Variants in RAB40A observed in about 807,000 individuals in gnomAD.
RAB40A encodes the protein RAB40A, member RAS oncogene family.
For missense variants in RAB40A, 145 were observed against 230.2 expected (o/e 0.63, Z 2.40); for synonymous variants, 65 against 99.9 (o/e 0.65, Z 2.08).
intron 2 of RAB40A, among the ~76,000 whole-genome samples, chrX:103,516,679 A>C (rs5945785): frequency 0.02 from 2,218 of 111,613 alleles, 24 homozygotes; most frequent in Non-Finnish European, 0.034. Context: ...ATCAATAGCC[A>C]GCAATCCCAT....
At chrX:103,516,319 A>G (rs2073316365) in intron 2 of RAB40A, among the ~76,000 whole-genome samples, 1 of 111,664 alleles carries the variant, frequency 9.0e-6, no homozygotes, top group Non-Finnish European at 1.9e-5. Context: ...CTGTACTTCA[A>G]GTTTTAAATT....
intron 2 of RAB40A, among the ~76,000 whole-genome samples, chrX:103,507,830 T>A (rs1281858916): frequency 1.8e-5 from 2 of 110,767 alleles, no homozygotes; most frequent in Admixed American, 9.5e-5. Context: ...ACACCTGAGC[T>A]TCTGCCTCAG....
Position 103,499,501 on chromosome X carries a change from T to TAG in RAB40A, c.*421_*422insCT, listed in dbSNP as rs753757984. 5.5e-5 allele frequency: 12 copies of TAG among 219,625 alleles called. No individual in the cohort carries two copies. Among genetic ancestry groups the TAG allele is most frequent in the African/African-American group, 8.9e-5 (3 of 33,737 alleles). The allele number at this position is 219,625 out of a possible 1,213,427, so 18.1% of individuals were successfully genotyped here. On this transcript the variant is annotated 3_prime_UTR_variant, in exon 3 of 3. Coordinates refer to ENST00000304236, the MANE Select transcript of RAB40A (RefSeq NM_080879.3). ...AGGAGGTTTACAAAAAGGCCCCTCT[T>TAG]GTACTATCGATGACTGAATTATCTC...
chrX:103,493,645 T>C, the RAB40A span, among the ~76,000 whole-genome samples: 1 of 111,952 alleles, frequency 8.9e-6, no homozygotes, highest in Non-Finnish European at 1.9e-5. Context: ...TTCAATTGCG[T>C]TCATTTTTAT....
downstream of RAB40A, among the ~76,000 whole-genome samples, chrX:103,496,953 T>G (rs2073178885): frequency 9.0e-6 from 1 of 111,433 alleles, no homozygotes. Flanking sequence ...GGCTGTTGGT[T>G]TTGATGGGGT....
At chrX:103,494,639 C>A (rs929737637), downstream of RAB40A, among the ~76,000 whole-genome samples, 2 of 111,852 alleles carry the variant, frequency 1.8e-5, no homozygotes, top group Non-Finnish European at 3.8e-5. Flanking sequence ...CATTCTTCTG[C>A]GTATGGATTT....
chrX:103,497,978 T>A (rs1393213229), downstream of RAB40A, among the ~76,000 whole-genome samples: 1 of 111,984 alleles, frequency 8.9e-6, no homozygotes, highest in Non-Finnish European at 1.9e-5. Context: ...ATTTTTTAAG[T>A]TATCTGAACA....
At chrX:103,503,185 A>G in intron 2 of RAB40A, 1 of 753,871 alleles carries the variant, frequency 1.3e-6, no homozygotes, top group Non-Finnish European at 1.6e-6. Flanking sequence ...TGATAGATGT[A>G]AAACAAGACT....
At chrX:103,506,300 CTTCT>C (rs1449597447) in intron 2 of RAB40A, among the ~76,000 whole-genome samples, 2 of 111,106 alleles carry the variant, frequency 1.8e-5, no homozygotes, top group Non-Finnish European at 3.8e-5. Flanking sequence ...CCACCTCCCC[CTTCT>C]GAGTTTCCAG....
At chrX:103,512,457 T>C (rs1011188671) in intron 2 of RAB40A, among the ~76,000 whole-genome samples, 2 of 111,432 alleles carry the variant, frequency 1.8e-5, no homozygotes, top group African/African-American at 6.5e-5. Flanking sequence ...GCCCTTGTTG[T>C]ACCCCAGTTC....
At chrX:103,511,979 T>C (rs1398980236) in intron 2 of RAB40A, among the ~76,000 whole-genome samples, 1 of 111,173 alleles carries the variant, frequency 9.0e-6, no homozygotes, top group African/African-American at 3.3e-5. Flanking sequence ...GAGAGCAATA[T>C]GTGGTGACAG....
At position 103,510,852 on chromosome X, in the gene RAB40A, G is replaced by T. The variant is rs968375862; in HGVS notation, c.-71+6522C>A. On this transcript the variant is annotated intron_variant, in intron 2 of 2. Coordinates refer to ENST00000304236, the MANE Select transcript of RAB40A (RefSeq NM_080879.3). Reference sequence around the variant, plus strand: ...AGGAATGTTCCTGAGACTCAGAAAGGGAGAGAAGATTTTGTGGGAACCTCA... The same window carrying T: ...AGGAATGTTCCTGAGACTCAGAAAGTGAGAGAAGATTTTGTGGGAACCTCA... Among the ~76,000 whole-genome samples the T allele has an allele frequency of 3.6e-5, 4 of 112,175 alleles. No individual in the cohort carries two copies. The Admixed American group carries it at 3.8e-4, about 11-fold the overall frequency.
chrX:103,509,391 C>T (rs182043430), intron 2 of RAB40A, among the ~76,000 whole-genome samples: 10,961 of 60,280 alleles, frequency 0.18, 1,493 homozygotes, highest in Non-Finnish European at 0.27. Flanking sequence ...CTCCTCTCCC[C>T]TTTCCTTCCC....
At chrX:103,513,666 CAT>C (rs2073302624) in intron 2 of RAB40A, among the ~76,000 whole-genome samples, 1 of 110,685 alleles carries the variant, frequency 9.0e-6, no homozygotes, top group Non-Finnish European at 1.9e-5. Flanking sequence ...GATTTACAGA[CAT>C]AGATGTGTAA....
intron 2 of RAB40A, among the ~76,000 whole-genome samples, chrX:103,517,134 TA>T (rs1412903736): frequency 8.9e-6 from 1 of 111,780 alleles, no homozygotes; most frequent in Non-Finnish European, 1.9e-5. Context: ...CCTGGCAAAG[TA>T]ATCCCCACTT....
intron 2 of RAB40A, among the ~76,000 whole-genome samples, chrX:103,508,366 G>A (rs1024027489): frequency 8.9e-6 from 1 of 111,837 alleles, no homozygotes; most frequent in Non-Finnish European, 1.9e-5. Flanking sequence ...ACTTACCTGG[G>A]GAGGTGACTT....
intron 2 of RAB40A, chrX:103,501,636 A>G (rs1488793662): frequency 8.1e-6 from 1 of 123,764 alleles, no homozygotes; most frequent in Non-Finnish European, 1.9e-5. Context: ...CTATAACAAA[A>G]TAACAAAACT....
At chrX:103,507,690 T>C (rs758312272) in intron 2 of RAB40A, among the ~76,000 whole-genome samples, 5 of 112,542 alleles carry the variant, frequency 4.4e-5, no homozygotes, top group African/African-American at 6.5e-5. Context: ...GTTTCCTGAT[T>C]TGAATAATTA....
intron 1 of RAB40A, among the ~76,000 whole-genome samples, chrX:103,518,397 A>G (rs1391513246): frequency 3.6e-5 from 4 of 110,746 alleles, no homozygotes; most frequent in Non-Finnish European, 7.6e-5. Context: ...CCCAGTAGCA[A>G]TGAGCAACTC....
Sources: allele counts gnomAD v4.1 joint callset (sites outside exome capture counted in the v4.1 genomes callset), GRCh38; gene constraint gnomAD v4.1.1; transcripts MANE v1.5; gene names NCBI Gene and HGNC (gene_info 2026-07-23, HGNC 2026-07-21).